GPI: variants seen among roughly 807,000 people sequenced by gnomAD.
The protein encoded by GPI is D-hexose-6-phosphate anomerase.
In GPI, 56 loss-of-function variants were observed where a neutral mutation model predicts 75.8. The observed-to-expected ratio is 0.74, with a 90% CI of 0.60 to 0.92. GPI has a LOEUF of 0.92. Among genes scored for constraint, GPI ranks in the 40% least tolerant of loss-of-function variants. The pLI, the probability that GPI is intolerant of heterozygous loss-of-function variation, is 0.00. For missense variants in GPI, 638 were observed against 741.0 expected, an observed-to-expected ratio of 0.86 and a Z score of 1.61; for synonymous variants, 288 against 285.4, an observed-to-expected ratio of 1.01 and a Z score of -0.09.
At chr19:34,379,469 C>G (rs746276683) in intron 7 of GPI, 49 bp from the exon 8 acceptor site, 4 of 1,554,002 alleles carry the variant, frequency 2.6e-6, no homozygotes, top group Non-Finnish European at 3.6e-6. Context: ...AAGTGACTAC[C>G]CTTTGTCTCC....
At chr19:34,383,565 G>A (rs2074687674) in intron 9 of GPI, among the ~76,000 whole-genome samples, 1 of 152,224 alleles carries the variant, frequency 6.6e-6, no homozygotes, top group Non-Finnish European at 1.5e-5. Context: ...TCCTGACTGG[G>A]TGTGATGGGC....
At chr19:34,378,375 A>C (rs1437183359) in intron 6 of GPI, among the ~76,000 whole-genome samples, 1 of 151,536 alleles carries the variant, frequency 6.6e-6, no homozygotes, top group African/African-American at 2.4e-5. Flanking sequence ...TTATTTATTT[A>C]TTTATTATTA....
chr19:34,379,715 T>C, intron 8 of GPI, 153 bp downstream of exon 8: 11 of 772,018 alleles, frequency 1.4e-5, no homozygotes, highest in Non-Finnish European at 2.6e-5. Context: ...CAAGCCTTCC[T>C]TGCCTTTTCC....
intron 4 of GPI, among the ~76,000 whole-genome samples, chr19:34,376,047 C>T (rs547859917): frequency 2.6e-5 from 4 of 152,288 alleles, no homozygotes; most frequent in African/African-American, 9.6e-5. Context: ...CTGACAGTGT[C>T]GCTGTAAGGT....
At chr19:34,363,689 G>A (rs1462673757), upstream of GPI, among the ~76,000 whole-genome samples, 5 of 152,108 alleles carry the variant, frequency 3.3e-5, no homozygotes, top group Non-Finnish European at 5.9e-5. Flanking sequence ...GTGTGGTGGC[G>A]TGCGCCTGTA....
chr19:34,371,006 T>C lies in GPI; in HGVS notation c.402+2304T>C, dbSNP rs192797026. Among the ~76,000 whole-genome samples, 25 of 152,326 alleles carry C rather than the reference T, an allele frequency of 1.6e-4. No individual in the cohort carries two copies. In the East Asian group the frequency reaches 4.8e-3, roughly 29 times the overall value. On this transcript the variant is annotated intron_variant, in intron 4 of 17. Transcript: ENST00000356487. ...GTCCATGTGATGGTCTTTGGGTGTG[T>C]GGCGGGGCCTTTCCAGCCATCTGCT...
intron 3 of GPI, among the ~76,000 whole-genome samples, chr19:34,367,881 T>C (rs2074389896): frequency 6.6e-6 from 1 of 152,156 alleles, no homozygotes. Flanking sequence ...GAGGATGAGG[T>C]TACTTCAGGC....
chr19:34,366,660 A>T (rs2074369868), intron 2 of GPI, 123 bp from the exon 3 acceptor site: 1 of 790,894 alleles, frequency 1.3e-6, no homozygotes, highest in Non-Finnish European at 2.3e-6. Context: ...ACAGCAGGGG[A>T]GGGAACCAGA....
chr19:34,397,068 C>T (rs1440992148), intron 14 of GPI, among the ~76,000 whole-genome samples: 6 of 152,188 alleles, frequency 3.9e-5, no homozygotes, highest in Non-Finnish European at 8.8e-5. Context: ...GCCTCGGCCT[C>T]CCTAAGTGCT....
At chr19:34,370,450 G>C (rs2145333257) in intron 4 of GPI, among the ~76,000 whole-genome samples, 1 of 152,314 alleles carries the variant, frequency 6.6e-6, no homozygotes, top group Middle Eastern at 3.4e-3. Context: ...TGGGTGCAGT[G>C]GCTCACGCCT....
chr19:34,378,914 G>C lies in GPI; in HGVS notation c.634-20G>C. 6.2e-7 allele frequency: 1 copy of C among 1,610,128 alleles called. No individual in the cohort carries two copies. The highest frequency in any genetic ancestry group is 1.1e-5 in the South Asian group (1 of 91,002). The stretch of plus-strand genomic sequence containing the variant: ...CCACCCCTAAGCTCGGGCGCCCACT[G>C]CTGTTCTCTTTGGTTGCAGACCTTT... On this transcript the variant is annotated intron_variant, in intron 6 of 17. Transcript: ENST00000356487.
intron 14 of GPI, 165 bp from the exon 15 acceptor site, chr19:34,399,042 C>T (rs2074983761): frequency 1.7e-6 from 1 of 586,256 alleles, no homozygotes; most frequent in Non-Finnish European, 3.0e-6. Flanking sequence ...TATCACTGTT[C>T]CCTGCCTTGT....
At position 34,365,242 on chromosome 19, in the gene GPI, A is replaced by G. The variant is rs1209722558; in HGVS notation, c.-25A>G. On this transcript the variant is annotated 5_prime_UTR_variant, in exon 1 of 18. Transcript: ENST00000356487. ...CTCCTTCCTCCTCGGCTCGCGTCTC[A>G]CTCAGTGTACCTTCTAGTCCCGCCA... 3 of 1,502,952 alleles carry G rather than the reference A, an allele frequency of 2.0e-6. No individual in the cohort carries two copies. Among genetic ancestry groups the G allele is most frequent in the Admixed American group, 4.0e-5 (2 of 49,730 alleles). The allele number at this position is 1,502,952 out of a possible 1,614,324, so 93.1% of individuals were successfully genotyped here. A position where few individuals can be genotyped will look rare whatever the true frequency, so the allele number is the denominator to read the frequency against.
chr19:34,402,227 A>G lies in GPI; in HGVS notation c.*2191A>G, dbSNP rs2075032690. 2 of 152,218 alleles carry G rather than the reference A, an allele frequency of 1.3e-5. No homozygotes were observed. The highest frequency in any genetic ancestry group is 3.8e-4 in the East Asian group (2 of 5,204). 9.4% of individuals were successfully genotyped at this position (152,218 alleles called of 1,614,324 possible). ...AGGCCAGAGAATAGGGTCTGGAGACAAAGGAGCATTCACTTCAGCCTCTGA... is the reference window on the plus strand; with the variant it reads ...AGGCCAGAGAATAGGGTCTGGAGACGAAGGAGCATTCACTTCAGCCTCTGA... On this transcript the variant is annotated 3_prime_UTR_variant, in exon 18 of 18. Transcript: ENST00000356487.
intron 4 of GPI, among the ~76,000 whole-genome samples, chr19:34,375,041 G>A (rs1323755255): frequency 2.0e-5 from 3 of 151,572 alleles, no homozygotes; most frequent in East Asian, 1.9e-4. Context: ...GCATATTTAG[G>A]TTTTTATTAT....
intron 9 of GPI, among the ~76,000 whole-genome samples, chr19:34,390,657 A>T (rs2074808889): frequency 6.6e-6 from 1 of 150,778 alleles, no homozygotes; most frequent in Non-Finnish European, 1.5e-5. Flanking sequence ...AACATCTAGT[A>T]CAGGTATGAA....
intron 9 of GPI, among the ~76,000 whole-genome samples, chr19:34,382,702 C>T (rs376312075): frequency 6.6e-6 from 1 of 152,004 alleles, no homozygotes; most frequent in Non-Finnish European, 1.5e-5. Context: ...CCAAGCAGAT[C>T]GGGGTGTCCT....
At chr19:34,384,721 C>CA (rs1194064349) in intron 9 of GPI, among the ~76,000 whole-genome samples, 2 of 152,230 alleles carry the variant, frequency 1.3e-5, no homozygotes, top group East Asian at 3.9e-4. Context: ...GCACAGTGAG[C>CA]AGGTCTGGAT....
chr19:34,381,814 A>G (rs1380145439), intron 9 of GPI, among the ~76,000 whole-genome samples: 1 of 152,116 alleles, frequency 6.6e-6, no homozygotes, highest in Non-Finnish European at 1.5e-5. Flanking sequence ...ACGCTCACAG[A>G]GTTGAGGTTG....
Sources: allele counts gnomAD v4.1 joint callset (sites outside exome capture counted in the v4.1 genomes callset), GRCh38; gene constraint gnomAD v4.1.1; transcripts MANE v1.5; gene names NCBI Gene and HGNC (gene_info 2026-07-23, HGNC 2026-07-21).